The following MCCC1 variants were observed in gnomAD, a reference collection of about 807,000 sequenced individuals.
The protein encoded by MCCC1 is methylcrotonyl-CoA carboxylase subunit 1, also known as methylcrotonoyl-CoA carboxylase subunit alpha, mitochondrial.
MCCC1 carries 64 observed loss-of-function variants against 83.8 expected under a neutral mutation model. The observed-to-expected ratio is 0.76, with a 90% CI of 0.62 to 0.94. The LOEUF (loss-of-function observed/expected upper bound fraction) is 0.94, where lower values mean the gene tolerates loss of function less well. Ranked by LOEUF, MCCC1 falls within the 40% of genes least tolerant of loss-of-function variation. MCCC1 has a pLI of 0.00. For synonymous variants in MCCC1, 322 were observed against 315.4 expected, an observed-to-expected ratio of 1.02 and a Z score of -0.22; for missense variants, 807 against 904.7, an observed-to-expected ratio of 0.89 and a Z score of 1.39.
At chr3:183,020,264 C>G in intron 16 of MCCC1, 27 bp from the exon 17 acceptor site, 1 of 1,514,702 alleles carries the variant, frequency 6.6e-7, no homozygotes, top group Non-Finnish European at 9.2e-7. Flanking sequence ...AACTGAAAAC[C>G]GAATCAACAT....
chr3:183,036,537 C>CT (rs11411314), intron 13 of MCCC1, among the ~76,000 whole-genome samples: 65,422 of 117,638 alleles, frequency 0.56, 21,066 homozygotes, highest in Non-Finnish European at 0.73. Flanking sequence ...GATCCATTTC[C>CT]TTTTTTTTTT....
intron 15 of MCCC1, chr3:183,022,802 T>C (rs931887151): frequency 1.0e-5 from 4 of 389,406 alleles, no homozygotes; most frequent in Non-Finnish European, 1.8e-5. Flanking sequence ...AGCACCATAA[T>C]GCTATAGATA....
chr3:183,052,371 G>T, intron 8 of MCCC1, 131 bp from the exon 9 acceptor site: 1 of 761,036 alleles, frequency 1.3e-6, no homozygotes, highest in Non-Finnish European at 2.3e-6. Context: ...TACAACAGTT[G>T]TCCCATAAGA....
chr3:183,111,175 C>T (rs533387876), intron 1 of MCCC1, among the ~76,000 whole-genome samples: 88 of 152,274 alleles, frequency 5.8e-4, no homozygotes, highest in Admixed American at 2.1e-3. Flanking sequence ...CATGGTAAGT[C>T]GAGTACAAGT....
chr3:183,092,690 A>G, intron 2 of MCCC1, 145 bp from the exon 3 acceptor site: 1 of 896,344 alleles, frequency 1.1e-6, no homozygotes. Flanking sequence ...GCCCAAAATG[A>G]CCACTTTAAC....
At position 183,091,959 on chromosome 3, in the gene MCCC1, G is replaced by C. The variant is rs566501650; in HGVS notation, c.273+450C>G. Among the ~76,000 whole-genome samples, 5 of 151,878 alleles carry C rather than the reference G, an allele frequency of 3.3e-5. No individual in the cohort carries two copies. The South Asian group carries it at 1.1e-3, about 32-fold the overall frequency. ...ACGTCGAGGCAGGAGAATCGAGGCA[G>C]GAGAATCGCTTGAACCTGAGAGGCG... On this transcript the variant is annotated intron_variant, in intron 3 of 18. Coordinates refer to ENST00000265594, the MANE Select transcript of MCCC1 (RefSeq NM_020166.5).
chr3:183,071,314 C>T lies in MCCC1; in HGVS notation c.535G>A (p.Glu179Lys), dbSNP rs201758122. The change falls in exon 6 of 19, where the codon GAG becomes AAG. Residue 179 changes from glutamate (E) to lysine (K), a missense_variant. Transcript: ENST00000265594. Reference sequence around the variant, plus strand: ...GATTGGTCCTCACCATGATAACCCTCCACAACAGGTACTCCAGCAGCAGCC... The same window carrying T: ...GATTGGTCCTCACCATGATAACCCTTCACAACAGGTACTCCAGCAGCAGCC... Reference protein sequence around the residue: ...IMAAAGVPVVEGYHGEDQSDQ... With the variant: ...IMAAAGVPVVKGYHGEDQSDQ... 154 of 1,614,066 alleles carry T rather than the reference C, an allele frequency of 9.5e-5. No individual in the cohort carries two copies. The highest frequency in any genetic ancestry group is 3.8e-4 in the East Asian group (17 of 44,894).
At chr3:183,028,098 T>G (rs762650820) in intron 14 of MCCC1, among the ~76,000 whole-genome samples, 1 of 152,208 alleles carries the variant, frequency 6.6e-6, no homozygotes, top group Non-Finnish European at 1.5e-5. Context: ...TAGGGGTTAA[T>G]GCAGCCAGTG....
upstream of MCCC1, among the ~76,000 whole-genome samples, chr3:183,104,268 C>T (rs1325072235): frequency 1.3e-5 from 2 of 152,170 alleles, no homozygotes; most frequent in African/African-American, 4.8e-5. Flanking sequence ...GCGCCGAGAG[C>T]GAGCGAGGGC....
At chr3:183,108,157 T>A (rs1368407935) in intron 1 of MCCC1, among the ~76,000 whole-genome samples, 1 of 152,200 alleles carries the variant, frequency 6.6e-6, no homozygotes, top group Non-Finnish European at 1.5e-5. Context: ...GGGCTAGCAT[T>A]TTCAGGGAAA....
chr3:183,061,865 T>C (rs1713773769), intron 7 of MCCC1, among the ~76,000 whole-genome samples: 2 of 152,248 alleles, frequency 1.3e-5, no homozygotes, highest in African/African-American at 4.8e-5. Flanking sequence ...GGTTTGGCTG[T>C]GTCCACAAGC....
intron 18 of MCCC1, among the ~76,000 whole-genome samples, chr3:183,016,529 C>G (rs989423726): frequency 9.9e-5 from 15 of 152,212 alleles, no homozygotes; most frequent in Admixed American, 7.9e-4. Flanking sequence ...CTGCGCCCAG[C>G]CTTTCAAAAG....
chr3:183,035,218 T>C (rs1540735), intron 13 of MCCC1, among the ~76,000 whole-genome samples: 136,879 of 152,234 alleles, frequency 0.9, 61,848 homozygotes, highest in East Asian at 1. Flanking sequence ...TAAGACAACG[T>C]TCCATTCTAA....
intron 2 of MCCC1, 116 bp from the exon 3 acceptor site, chr3:183,092,661 G>A: frequency 3.0e-6 from 4 of 1,352,148 alleles, no homozygotes; most frequent in South Asian, 2.5e-5. Context: ...AAGGTTTTTG[G>A]TAAAACTAGC....
chr3:183,016,992 AAC>A (rs1273402044), intron 18 of MCCC1: 4 of 484,284 alleles, frequency 8.3e-6, no homozygotes, highest in African/African-American at 7.8e-5. Flanking sequence ...AGAAAATACC[AAC>A]AGTTAACATT....
intron 16 of MCCC1, 37 bp downstream of exon 16, chr3:183,022,380 A>G: frequency 6.2e-7 from 1 of 1,611,018 alleles, no homozygotes; most frequent in Non-Finnish European, 8.5e-7. Flanking sequence ...GTTTTCTCCC[A>G]TGCCCCAGGA....
intron 9 of MCCC1, among the ~76,000 whole-genome samples, chr3:183,050,965 G>A (rs1343239695): frequency 6.6e-6 from 1 of 152,150 alleles, no homozygotes; most frequent in African/African-American, 2.4e-5. Context: ...TTAGGGAAGT[G>A]CAAATTAAAA....
At chr3:183,096,290 C>G (rs190911619) in intron 1 of MCCC1, among the ~76,000 whole-genome samples, 70 of 151,752 alleles carry the variant, frequency 4.6e-4, no homozygotes, top group African/African-American at 1.7e-3. Context: ...GAGCCAAGAT[C>G]GTGCCACTAC....
chr3:183,102,776 T>G (rs898816732), upstream of MCCC1, among the ~76,000 whole-genome samples: 257 of 96,920 alleles, frequency 2.7e-3, 14 homozygotes, highest in African/African-American at 0.012. Context: ...TTTTTTTTTT[T>G]TTTTTTTTTT....
Sources: gnomAD v4.1 joint callset for allele counts (sites outside exome capture counted in the v4.1 genomes callset) on GRCh38, gnomAD v4.1.1 for gene constraint, MANE v1.5 for transcripts, NCBI Gene and HGNC (gene_info 2026-07-23, HGNC 2026-07-21) for gene names.